Variants in ZNF362 observed in about 807,000 individuals in gnomAD.
The protein encoded by ZNF362 is rotund homolog.
In ZNF362, 11 loss-of-function variants were observed where a neutral mutation model predicts 42.9. That is an observed-to-expected ratio of 0.26 (90% CI 0.16 to 0.42). The LOEUF (loss-of-function observed/expected upper bound fraction) is 0.42, where lower values mean the gene tolerates loss of function less well. ZNF362 is among the 20% of genes least tolerant of loss of function. The probability of loss-of-function intolerance (pLI) is 1.00; values close to 1 mark genes in which losing one functional copy is unlikely to be tolerated. For missense variants in ZNF362, 362 were observed against 576.2 expected, an observed-to-expected ratio of 0.63 and a Z score of 3.81; for synonymous variants, 255 against 257.3, an observed-to-expected ratio of 0.99 and a Z score of 0.09.
chr1:33,197,840 C>G, the ZNF362 span, among the ~76,000 whole-genome samples: 1 of 152,072 alleles, frequency 6.6e-6, no homozygotes, highest in African/African-American at 2.4e-5. Context: ...AAGAACTTTA[C>G]AAAAAGAGTA....
At chr1:33,148,672 CTA>C in the ZNF362 span, among the ~76,000 whole-genome samples, 4 of 152,100 alleles carry the variant, frequency 2.6e-5, no homozygotes, top group African/African-American at 9.7e-5. Context: ...GAGTATGTAT[CTA>C]TGTACATATA....
At chr1:33,257,997 C>G (rs1557784995) in intron 1 of ZNF362, among the ~76,000 whole-genome samples, 1 of 152,168 alleles carries the variant, frequency 6.6e-6, no homozygotes, top group Non-Finnish European at 1.5e-5. Context: ...TCTTCCCCGA[C>G]CCCACCCTAT....
At chr1:33,210,815 G>A in the ZNF362 span, among the ~76,000 whole-genome samples, 9 of 151,974 alleles carry the variant, frequency 5.9e-5, no homozygotes, top group African/African-American at 1.7e-4. Context: ...GAGCCTATGT[G>A]TGTCTTTGCA....
the ZNF362 span, among the ~76,000 whole-genome samples, chr1:33,161,234 G>A: frequency 5.3e-5 from 8 of 152,354 alleles, no homozygotes; most frequent in African/African-American, 1.9e-4. The surrounding 1 kb of genome is among the most constrained non-coding windows in gnomAD (Gnocchi z 4.3). Flanking sequence ...TGAGAGACGG[G>A]TTCTGAGCCG....
chr1:33,276,286 G>T, intron 3 of ZNF362, 62 bp from the exon 4 acceptor site: 1 of 1,548,210 alleles, frequency 6.5e-7, no homozygotes, highest in Non-Finnish European at 8.7e-7. Flanking sequence ...GTGGACCAGC[G>T]GGCCTGGGCA....
the ZNF362 span, among the ~76,000 whole-genome samples, chr1:33,175,001 G>GTATGTATATGTATATGTATATGTA: frequency 9.7e-4 from 131 of 135,666 alleles, 4 homozygotes; most frequent in African/African-American, 3.1e-3. Context: ...ACACACACAT[G>GTATGTATATGTATATGTATATGTA]TATGTATATG....
the ZNF362 span, chr1:33,181,245 G>A: frequency 2.6e-6 from 4 of 1,552,338 alleles, no homozygotes; most frequent in African/African-American, 4.1e-5. This position sits in a 1 kb window ranked among gnomAD's most constrained non-coding sequence, Gnocchi z 6.5. Context: ...GAGGCTGGGC[G>A]CCAGCGCGGG....
the ZNF362 span, among the ~76,000 whole-genome samples, chr1:33,223,257 CAAAAACCA>C: frequency 1.3e-5 from 2 of 152,002 alleles, no homozygotes; most frequent in Non-Finnish European, 2.9e-5. Flanking sequence ...CTCAAAAAAA[CAAAAACCA>C]AAAAACAAAA....
At chr1:33,260,464 A>T (rs961105460) in intron 1 of ZNF362, among the ~76,000 whole-genome samples, 1 of 152,164 alleles carries the variant, frequency 6.6e-6, no homozygotes, top group African/African-American at 2.4e-5. Context: ...ACAGGTTTCT[A>T]CTTGAATGTT....
At chr1:33,178,924 A>T in the ZNF362 span, among the ~76,000 whole-genome samples, 2 of 152,226 alleles carry the variant, frequency 1.3e-5, no homozygotes, top group African/African-American at 4.8e-5. Context: ...TGGTTTGCAG[A>T]CAGGAGAACC....
At chr1:33,254,383 AGTGCTGG>A (rs1286291121), upstream of ZNF362, among the ~76,000 whole-genome samples, 1 of 152,146 alleles carries the variant, frequency 6.6e-6, no homozygotes, top group Non-Finnish European at 1.5e-5. Flanking sequence ...GGCCTCCCAA[AGTGCTGG>A]AATTACAGGC....
rs560068279 is a variant in ZNF362 at position 33,294,747 on chromosome 1, A to G, written c.909-190A>G. On this transcript the variant is annotated intron_variant, in intron 6 of 8. Transcript: ENST00000539719. The surrounding 1 kb of genome is among the most constrained non-coding windows in gnomAD (Gnocchi z 4.2). ...GAGGCTCTGGTCAGACTGGCAGTGG[A>G]GGCCAGAGAAGGAAGGAAGAGCCAT... Among the ~76,000 whole-genome samples, 3 of 152,134 alleles carry G rather than the reference A, an allele frequency of 2.0e-5. No homozygotes were observed. The South Asian group carries it at 6.2e-4, about 32-fold the overall frequency.
At chr1:33,185,224 C>G in the ZNF362 span, among the ~76,000 whole-genome samples, 1 of 149,116 alleles carries the variant, frequency 6.7e-6, no homozygotes, top group Non-Finnish European at 1.5e-5. Flanking sequence ...GTCACAGACT[C>G]TTTTTTTTTT....
chr1:33,270,006 A>G (rs1645890447), intron 1 of ZNF362, among the ~76,000 whole-genome samples: 1 of 152,008 alleles, frequency 6.6e-6, no homozygotes, highest in Admixed American at 6.6e-5. Flanking sequence ...TCAAGTTCAG[A>G]CTCAGCTCTG....
At chr1:33,296,845 T>C (rs1010561155) in intron 8 of ZNF362, among the ~76,000 whole-genome samples, 3 of 133,966 alleles carry the variant, frequency 2.2e-5, no homozygotes, top group African/African-American at 8.7e-5. Flanking sequence ...TTTTTTTTGG[T>C]ATATTTTAGA....
chr1:33,220,086 G>T, the ZNF362 span, among the ~76,000 whole-genome samples: 5 of 152,262 alleles, frequency 3.3e-5, no homozygotes, highest in African/African-American at 9.6e-5. Context: ...GAGGGAGAGC[G>T]CAGTGGAGCA....
chr1:33,208,233 C>A, the ZNF362 span, among the ~76,000 whole-genome samples: 1 of 152,112 alleles, frequency 6.6e-6, no homozygotes. Context: ...TGTCAAATAT[C>A]AGATGGTTGT....
the ZNF362 span, among the ~76,000 whole-genome samples, chr1:33,180,832 C>A: frequency 6.8e-6 from 1 of 147,472 alleles, no homozygotes; most frequent in Admixed American, 6.7e-5. Flanking sequence ...CCCGCCCCCA[C>A]GGCCCCGCCA....
chr1:33,276,317 A>G (rs1465416035), intron 3 of ZNF362, 31 bp from the exon 4 acceptor site: 1 of 1,539,176 alleles, frequency 6.5e-7, no homozygotes, highest in Non-Finnish European at 8.8e-7. Context: ...GGTGGTCCAG[A>G]CCTCCTCAGC....
Sources: allele counts gnomAD v4.1 joint callset (sites outside exome capture counted in the v4.1 genomes callset), GRCh38; gene constraint gnomAD v4.1.1; non-coding constraint Gnocchi (gnomAD v3.1); transcripts MANE v1.5; gene names NCBI Gene and HGNC (gene_info 2026-07-23, HGNC 2026-07-21).